Variants in UNC5D observed in about 807,000 individuals in gnomAD.
UNC5D encodes unc-5 netrin receptor D.
UNC5D carries 39 observed loss-of-function variants against 105.4 expected under a neutral mutation model. That is an observed-to-expected ratio of 0.37 (90% confidence interval 0.29 to 0.48). The LOEUF (loss-of-function observed/expected upper bound fraction) is 0.48. Among genes scored for constraint, UNC5D ranks in the 20% least tolerant of loss-of-function variants. The probability of loss-of-function intolerance (pLI) is 0.98; values close to 1 mark genes in which losing one functional copy is unlikely to be tolerated. For synonymous variants in UNC5D, 452 were observed against 450.4 expected (o/e 1.00, Z -0.04); for missense variants, 991 against 1,202.4 (o/e 0.82, Z 2.60).
intron 1 of UNC5D, among the ~76,000 whole-genome samples, chr8:35,476,536 C>T (rs993922821): frequency 7.9e-5 from 12 of 152,182 alleles, no homozygotes; most frequent in Non-Finnish European, 1.5e-4. Context: ...AACATGAACA[C>T]TCTCTGGCCA....
rs61551470 is a variant in UNC5D, at chr8:35,778,300, T to C, written c.2657+3823T>C. On this transcript the variant is annotated intron_variant, in intron 16 of 16. Coordinates refer to ENST00000404895, the MANE Select transcript of UNC5D (RefSeq NM_080872.4). ...TACTCACAGTCACCTTGCACTCTCT[T>C]AGCTAATTATATTTTGCAGAAATTG... Among the ~76,000 whole-genome samples, 428 of 152,250 alleles carry C rather than the reference T, an allele frequency of 2.8e-3. 3 individuals carry two copies. Among genetic ancestry groups the C allele is most frequent in the African/African-American group, 1.0e-2 (415 of 41,566 alleles).
At chr8:35,542,397 C>T (rs1323818252) in intron 1 of UNC5D, among the ~76,000 whole-genome samples, 1 of 152,194 alleles carries the variant, frequency 6.6e-6, no homozygotes, top group African/African-American at 2.4e-5. Flanking sequence ...TCTGCTCTGA[C>T]TTGCACATTG....
chr8:35,723,598 G>T (rs1828703804), intron 9 of UNC5D, among the ~76,000 whole-genome samples: 1 of 152,010 alleles, frequency 6.6e-6, no homozygotes, highest in African/African-American at 2.4e-5. Flanking sequence ...TAGAGACAGG[G>T]TCTCACTATG....
intron 16 of UNC5D, among the ~76,000 whole-genome samples, chr8:35,787,243 T>G (rs1802787619): frequency 6.6e-6 from 1 of 152,220 alleles, no homozygotes; most frequent in South Asian, 2.1e-4. Context: ...AAGTTCATCG[T>G]TGTTTGATAG....
At chr8:35,333,442 G>A (rs1810782771) in intron 1 of UNC5D, among the ~76,000 whole-genome samples, 1 of 152,080 alleles carries the variant, frequency 6.6e-6, no homozygotes, top group Admixed American at 6.6e-5. Context: ...TTTCCTTAAA[G>A]TGACCCCTTC....
chr8:35,575,736 A>C (rs906819456), intron 3 of UNC5D, among the ~76,000 whole-genome samples: 3 of 152,202 alleles, frequency 2.0e-5, no homozygotes, highest in African/African-American at 7.2e-5. Context: ...TCCAAAGCCA[A>C]GAGACAATAT....
At position 35,792,765 on chromosome 8, in the gene UNC5D, C is replaced by A; in HGVS notation, c.*2202C>A. On this transcript the variant is annotated 3_prime_UTR_variant, in exon 17 of 17. Transcript: ENST00000404895. Reference sequence around the variant, plus strand: ...GTTTTAAACTGTCTTTAGCATTTTCCCTCTTCCCTTCTAATGGGCATTATA... The same window carrying A: ...GTTTTAAACTGTCTTTAGCATTTTCACTCTTCCCTTCTAATGGGCATTATA... 1 of 285,886 alleles carries A rather than the reference C, an allele frequency of 3.5e-6. No individual in the cohort carries two copies. The highest frequency in any genetic ancestry group is 6.8e-6 in the Non-Finnish European group (1 of 148,002). The allele number at this position is 285,886 out of a possible 1,614,324, so 17.7% of individuals were successfully genotyped here.
chr8:35,714,450 G>A (rs1828135979), intron 8 of UNC5D, among the ~76,000 whole-genome samples: 1 of 152,160 alleles, frequency 6.6e-6, no homozygotes, highest in Non-Finnish European at 1.5e-5. Context: ...CAGGATCAAG[G>A]AAATCGTTGG....
At chr8:35,753,388 C>T (rs1830376781) in intron 13 of UNC5D, among the ~76,000 whole-genome samples, 1 of 152,102 alleles carries the variant, frequency 6.6e-6, no homozygotes, top group South Asian at 2.1e-4. Flanking sequence ...CCTGCCTCAG[C>T]CTCCTGAGTA....
At chr8:35,273,945 G>C (rs138392633) in intron 1 of UNC5D, among the ~76,000 whole-genome samples, 1 of 151,482 alleles carries the variant, frequency 6.6e-6, no homozygotes, top group South Asian at 2.1e-4. Context: ...AGGCTTCCCA[G>C]TATCATTTTT....
chr8:35,734,335 CAAAAAAAAAAAAAAAAAAA>C (rs10657691), intron 11 of UNC5D, among the ~76,000 whole-genome samples: 3 of 28,288 alleles, frequency 1.1e-4, no homozygotes, highest in Non-Finnish European at 2.4e-4. Context: ...TAATCACTGT[CAAAAAAAAAAAAAAAAAAA>C]AAAAAAAAGC....
At chr8:35,402,339 G>T (rs2128950704) in intron 1 of UNC5D, among the ~76,000 whole-genome samples, 1 of 152,218 alleles carries the variant, frequency 6.6e-6, no homozygotes, top group East Asian at 1.9e-4. Context: ...TCTTACATTG[G>T]CAGCAGGCAA....
chr8:35,691,202 C>T (rs960326745), intron 7 of UNC5D, among the ~76,000 whole-genome samples: 3 of 152,234 alleles, frequency 2.0e-5, no homozygotes, highest in Admixed American at 1.3e-4. Flanking sequence ...AAAATAAATA[C>T]GGCTGGCACA....
chr8:35,399,263 G>A (rs1804299910), intron 1 of UNC5D, among the ~76,000 whole-genome samples: 1 of 151,790 alleles, frequency 6.6e-6, no homozygotes, highest in Admixed American at 6.6e-5. Context: ...ATTTCTAGGA[G>A]CAAACCAATA....
At chr8:35,568,726 C>T (rs899828376) in intron 3 of UNC5D, among the ~76,000 whole-genome samples, 17 of 152,172 alleles carry the variant, frequency 1.1e-4, no homozygotes, top group African/African-American at 3.9e-4. Flanking sequence ...TAATTTCCTC[C>T]AGAGTACATT....
At chr8:35,693,261 G>C (rs1256574722) in intron 7 of UNC5D, among the ~76,000 whole-genome samples, 1 of 152,136 alleles carries the variant, frequency 6.6e-6, no homozygotes, top group Non-Finnish European at 1.5e-5. Flanking sequence ...GCACTCAAGT[G>C]CCATATCCTG....
chr8:35,646,564 T>TA (rs1823064994), intron 4 of UNC5D, among the ~76,000 whole-genome samples: 1 of 152,076 alleles, frequency 6.6e-6, no homozygotes, highest in Admixed American at 6.6e-5. Context: ...CTCTAGGAAA[T>TA]AAAAACAATT....
chr8:35,450,061 T>C (rs1808045845), intron 1 of UNC5D, among the ~76,000 whole-genome samples: 1 of 152,202 alleles, frequency 6.6e-6, no homozygotes, highest in Non-Finnish European at 1.5e-5. Flanking sequence ...ATTCTGGAAC[T>C]ATTCAGTGAC....
In UNC5D at chr8:35,512,465, C is replaced by CATATATAT. The variant is rs780945660; in HGVS notation, c.104-36790_104-36783dup. Among the ~76,000 whole-genome samples, 12 of 20,110 alleles carry CATATATAT rather than the reference C, an allele frequency of 6.0e-4. 1 individual carries two copies. The highest frequency in any genetic ancestry group is 1.6e-3 in the East Asian group (1 of 610). 13.2% of individuals were successfully genotyped at this position (20,110 alleles called of 152,430 possible). On this transcript the variant is annotated intron_variant, in intron 1 of 16. Transcript: ENST00000404895. The stretch of plus-strand genomic sequence containing the variant: ...TGAGAGTTCAAGGCTAATAGTGAGC[C>CATATATAT]ATATATATATATATATATATATATA...
Sources: allele counts gnomAD v4.1 joint callset (sites outside exome capture counted in the v4.1 genomes callset), GRCh38; gene constraint gnomAD v4.1.1; transcripts MANE v1.5; gene names NCBI Gene and HGNC (gene_info 2026-07-23, HGNC 2026-07-21).